CCDC170: variants seen among roughly 807,000 people sequenced by gnomAD.
CCDC170 encodes the protein coiled-coil domain containing 170.
A neutral mutation model predicts 72.6 loss-of-function variants in CCDC170; 69 were observed. The ratio of observed to expected loss-of-function variants is 0.95; its 90% CI spans 0.78 to 1.16. The LOEUF (loss-of-function observed/expected upper bound fraction) is 1.16. Among genes scored for constraint, CCDC170 ranks in the 50% most tolerant of loss-of-function variants. The pLI is 0.00. For missense variants in CCDC170, 852 were observed against 832.5 expected, an observed-to-expected ratio of 1.02 and a Z score of -0.29; for synonymous variants, 300 against 303.9, an observed-to-expected ratio of 0.99 and a Z score of 0.13.
intron 9 of CCDC170, among the ~76,000 whole-genome samples, chr6:151,600,183 C>T (rs528857784): frequency 6.6e-6 from 1 of 152,140 alleles, no homozygotes; most frequent in Non-Finnish European, 1.5e-5. Context: ...TGATACAAAT[C>T]CAAAATATCA....
intron 5 of CCDC170, among the ~76,000 whole-genome samples, chr6:151,556,841 G>C (rs1319104660): frequency 6.7e-6 from 1 of 149,126 alleles, no homozygotes; most frequent in African/African-American, 2.5e-5. Context: ...TCTATCTACT[G>C]TATGCTTGTA....
At position 151,504,002 on chromosome 6, in the gene CCDC170, A is replaced by T. The variant is rs147003793; in HGVS notation, c.57+9817A>T. ...AATGCATTTATTGTTTCTCTAAGGA[A>T]CATTATTGAGATAATTGGTGAATAA... On this transcript the variant is annotated intron_variant, in intron 1 of 10. Coordinates refer to ENST00000239374, the MANE Select transcript of CCDC170 (RefSeq NM_025059.4). 2.3e-3 allele frequency among the ~76,000 whole-genome samples: 351 copies of T among 152,324 alleles called. 5 individuals carry two copies. Among genetic ancestry groups the T allele is most frequent in the African/African-American group, 8.2e-3 (342 of 41,570 alleles).
Position 151,593,092 on chromosome 6 carries a change from T to G in CCDC170, c.1294-15T>G. On this transcript the variant is annotated splice_polypyrimidine_tract_variant and intron_variant, in intron 7 of 10. Transcript: ENST00000239374. ...GACTTTCATGTCCCATTTTTGTTTC[T>G]GTTCTTGGGTTTAGTATCTTAAATT... is the stretch of plus-strand genomic sequence containing the variant. 1 of 1,613,682 alleles carries G rather than the reference T, an allele frequency of 6.2e-7. No individual in the cohort carries two copies. The highest frequency in any genetic ancestry group is 8.5e-7 in the Non-Finnish European group (1 of 1,179,642).
chr6:151,512,719 C>T (rs1782167223), intron 1 of CCDC170, among the ~76,000 whole-genome samples: 1 of 99,710 alleles, frequency 1.0e-5, no homozygotes, highest in Non-Finnish European at 2.0e-5. Flanking sequence ...CCGAGTTCCT[C>T]CTCCTTTCTA....
intron 5 of CCDC170, among the ~76,000 whole-genome samples, chr6:151,568,934 T>G (rs2115083648): frequency 6.6e-6 from 1 of 152,352 alleles, no homozygotes; most frequent in South Asian, 2.1e-4. Context: ...CTTATAGATA[T>G]ATCCTCAGGA....
At chr6:151,535,739 C>CTTTTTTTG (rs1782564861) in intron 1 of CCDC170, among the ~76,000 whole-genome samples, 1 of 151,912 alleles carries the variant, frequency 6.6e-6, no homozygotes, top group Non-Finnish European at 1.5e-5. Context: ...GAAGGAAAAT[C>CTTTTTTTG]TTTTTTTGTT....
rs1777034289 is a variant in CCDC170, at chr6:151,619,978, A to G, written c.*1831A>G. 6.6e-6 allele frequency: 1 copy of G among 152,218 alleles called. No individual in the cohort carries two copies. The allele number at this position is 152,218 out of a possible 1,614,324, so 9.4% of individuals were successfully genotyped here. The stretch of plus-strand genomic sequence containing the variant: ...GAAAAAAAGCATAAAATATTCTTGC[A>G]ATAATTGTAAAAATTTGAATGTGGA... On this transcript the variant is annotated 3_prime_UTR_variant, in exon 11 of 11. Transcript: ENST00000239374.
chr6:151,530,654 C>CTGG (rs1782480301), intron 1 of CCDC170, among the ~76,000 whole-genome samples: 1 of 152,004 alleles, frequency 6.6e-6, no homozygotes. Context: ...GTTGGTCAGG[C>CTGG]TGGTCTTGAA....
intron 8 of CCDC170, among the ~76,000 whole-genome samples, chr6:151,594,610 A>G (rs1470153344): frequency 6.6e-6 from 1 of 151,560 alleles, no homozygotes; most frequent in Non-Finnish European, 1.5e-5. Context: ...AGTTTATAGA[A>G]TTTACCAGTG....
chr6:151,575,220 C>T (rs1472558470), intron 6 of CCDC170, among the ~76,000 whole-genome samples: 1 of 151,988 alleles, frequency 6.6e-6, no homozygotes, highest in Non-Finnish European at 1.5e-5. Flanking sequence ...CTATTGCTGT[C>T]GTGCTTGCTT....
chr6:151,497,152 G>A (rs1781922751), intron 1 of CCDC170, among the ~76,000 whole-genome samples: 1 of 152,244 alleles, frequency 6.6e-6, no homozygotes, highest in African/African-American at 2.4e-5. Context: ...CACTTTGGGA[G>A]GCAGAGGTGT....
At chr6:151,528,079 G>A (rs1343643424) in intron 1 of CCDC170, among the ~76,000 whole-genome samples, 1 of 152,082 alleles carries the variant, frequency 6.6e-6, no homozygotes, top group Non-Finnish European at 1.5e-5. Flanking sequence ...GAGCCACCCC[G>A]TGAGACAATT....
At chr6:151,531,636 A>C (rs1782491840) in intron 1 of CCDC170, among the ~76,000 whole-genome samples, 2 of 152,234 alleles carry the variant, frequency 1.3e-5, no homozygotes, top group African/African-American at 4.8e-5. Flanking sequence ...TTAATGTTTA[A>C]CAATGTGTTA....
intron 6 of CCDC170, among the ~76,000 whole-genome samples, chr6:151,580,270 G>A (rs1193275710): frequency 6.6e-6 from 1 of 152,026 alleles, no homozygotes; most frequent in African/African-American, 2.4e-5. Context: ...TGTGGTATAG[G>A]AGACGTTGAA....
intron 5 of CCDC170, among the ~76,000 whole-genome samples, chr6:151,571,274 T>C (rs1356558220): frequency 6.6e-6 from 1 of 151,828 alleles, no homozygotes; most frequent in Non-Finnish European, 1.5e-5. Flanking sequence ...TTAAAAATAT[T>C]GTGTTTCTTT....
At chr6:151,501,409 T>C (rs1380659188) in intron 1 of CCDC170, among the ~76,000 whole-genome samples, 1 of 152,216 alleles carries the variant, frequency 6.6e-6, no homozygotes, top group Non-Finnish European at 1.5e-5. Flanking sequence ...TAGATTACCT[T>C]AGTTGTATAA....
chr6:151,516,633 G>C lies in CCDC170; in HGVS notation c.58-19685G>C, dbSNP rs375885193. Among the ~76,000 whole-genome samples the C allele has an allele frequency of 1.4e-4, 22 of 152,226 alleles. No homozygotes were observed. In the South Asian group the frequency reaches 4.6e-3, roughly 32 times the overall value. On this transcript the variant is annotated intron_variant, in intron 1 of 10. Transcript: ENST00000239374. ...GCAGAGGTTTGATAGGCAAAAGAAA[G>C]AGAAAGAAGAACAGCTCTCTCCCTT...
intron 6 of CCDC170, among the ~76,000 whole-genome samples, chr6:151,577,793 A>C (rs2115095112): frequency 6.6e-6 from 1 of 152,326 alleles, no homozygotes; most frequent in African/African-American, 2.4e-5. Context: ...GCGGCATTAG[A>C]TTCTCATAGG....
At chr6:151,530,560 G>C (rs1175379101) in intron 1 of CCDC170, among the ~76,000 whole-genome samples, 1 of 151,792 alleles carries the variant, frequency 6.6e-6, no homozygotes, top group Non-Finnish European at 1.5e-5. Context: ...TCCTGCCTCA[G>C]CCTCCTGAGT....
Sources: gnomAD v4.1 joint callset for allele counts (sites outside exome capture counted in the v4.1 genomes callset) on GRCh38, gnomAD v4.1.1 for gene constraint, MANE v1.5 for transcripts, NCBI Gene and HGNC (gene_info 2026-07-23, HGNC 2026-07-21) for gene names.